ARFGEF1: variants seen among roughly 807,000 people sequenced by gnomAD.
The protein encoded by ARFGEF1 is ARF guanine nucleotide exchange factor 1.
A neutral mutation model predicts 231.0 loss-of-function variants in ARFGEF1; 42 were observed. The observed-to-expected ratio is 0.18, with a 90% confidence interval of 0.14 to 0.24. ARFGEF1 has a LOEUF of 0.24. ARFGEF1 is among the 10% of genes least tolerant of loss of function. ARFGEF1 has a pLI of 1.00. For missense variants in ARFGEF1, 1,345 were observed against 2,192.0 expected (o/e 0.61, Z 7.72); for synonymous variants, 710 against 732.3 (o/e 0.97, Z 0.49).
rs1839888426 is a variant in ARFGEF1 at position 67,240,224 on chromosome 8, C to G, written c.2917G>C (p.Ala973Pro). 1 of 1,613,248 alleles carries G rather than the reference C, an allele frequency of 6.2e-7. No individual in the cohort carries two copies. Among genetic ancestry groups the G allele is most frequent in the Non-Finnish European group, 8.5e-7 (1 of 1,179,698 alleles). ...CTTATACCTTCCAGGCAAAGAGAGG[C>G]TACTTCAGTATCATCACAATCTTGT... The part of the protein sequence containing the change: ...GLQDCDDTEV[A>P]SLCLEGIRCA... The change falls in exon 20 of 39, where the codon GCC becomes CCC. Residue 973 changes from alanine (A) to proline (P), a missense_variant. Around this residue, in one of 14 missense-constraint regions of ARFGEF1, gnomAD observed 146 missense variants for 321.4 expected, o/e 0.45. Transcript: ENST00000262215.
intron 14 of ARFGEF1, among the ~76,000 whole-genome samples, chr8:67,262,883 T>A (rs1279717509): frequency 6.6e-6 from 1 of 152,242 alleles, no homozygotes; most frequent in Non-Finnish European, 1.5e-5. Context: ...AACATAACTT[T>A]AATGCACTGA....
intron 8 of ARFGEF1, 103 bp downstream of exon 8, chr8:67,277,179 C>G (rs1805348564): frequency 1.7e-6 from 2 of 1,153,394 alleles, no homozygotes; most frequent in African/African-American, 1.6e-5. Context: ...AAATAAAAAT[C>G]AGGCAGCATC....
At chr8:67,272,516 G>A (rs538720751) in intron 9 of ARFGEF1, among the ~76,000 whole-genome samples, 4 of 151,968 alleles carry the variant, frequency 2.6e-5, no homozygotes, top group Admixed American at 1.3e-4. Context: ...TAACATCAAC[G>A]TATTGTTTCA....
At chr8:67,276,438 T>TC (rs2128899628) in intron 8 of ARFGEF1, among the ~76,000 whole-genome samples, 1 of 152,250 alleles carries the variant, frequency 6.6e-6, no homozygotes, top group South Asian at 2.1e-4. Context: ...TAAATTATAC[T>TC]CCCTACTACC....
intron 5 of ARFGEF1, among the ~76,000 whole-genome samples, chr8:67,181,338 ATTTTTTTTTTT>A (rs58029238): frequency 1.4e-3 from 156 of 112,638 alleles, no homozygotes; most frequent in Non-Finnish European, 2.4e-3. Flanking sequence ...GTACCTGGCC[ATTTTTTTTTTT>A]TTTTTTTTTT....
In ARFGEF1 at chr8:67,240,202, A is replaced by G; in HGVS notation, c.2939T>C (p.Ile980Thr). The part of the protein sequence containing the change: ...TEVASLCLEG[I>T]RCAIRIACIF... ...GCATGCAATTCTGATTGCACATCTT[A>G]TACCTTCCAGGCAAAGAGAGGCTAC... Residue 980 changes from isoleucine to threonine, a missense_variant, in exon 20 of 39, where the codon ATA (isoleucine) becomes ACA (threonine). Ile to Thr is a moderately conservative substitution (Grantham distance 89). Around this residue, in one of 14 missense-constraint regions of ARFGEF1, gnomAD observed 146 missense variants for 321.4 expected, o/e 0.45. Coordinates refer to ENST00000262215, the MANE Select transcript of ARFGEF1 (RefSeq NM_006421.5). 1 of 1,612,884 alleles carries G rather than the reference A, an allele frequency of 6.2e-7. No homozygotes were observed. Among genetic ancestry groups the G allele is most frequent in the Non-Finnish European group, 8.5e-7 (1 of 1,179,628 alleles).
At chr8:67,251,762 C>T (rs904607099) in intron 18 of ARFGEF1, among the ~76,000 whole-genome samples, 2 of 151,790 alleles carry the variant, frequency 1.3e-5, no homozygotes, top group East Asian at 1.9e-4. Flanking sequence ...AGTTGCACAA[C>T]GTTATGAATG....
At chr8:67,324,313 A>G (rs1243934066) in intron 1 of ARFGEF1, among the ~76,000 whole-genome samples, 2 of 152,294 alleles carry the variant, frequency 1.3e-5, no homozygotes, top group East Asian at 3.9e-4. Flanking sequence ...AAACAAAACA[A>G]AAAAAGGTCT....
chr8:67,274,813 G>A (rs144434862), intron 9 of ARFGEF1, among the ~76,000 whole-genome samples: 1 of 152,172 alleles, frequency 6.6e-6, no homozygotes, highest in East Asian at 1.9e-4. Context: ...TCTCAAAGTA[G>A]GTCTTCATTG....
intron 1 of ARFGEF1, among the ~76,000 whole-genome samples, chr8:67,327,080 G>C (rs1400636608): frequency 6.6e-6 from 1 of 152,118 alleles, no homozygotes; most frequent in Non-Finnish European, 1.5e-5. Context: ...CTATGAGGTT[G>C]ACTTGCTTGT....
At chr8:67,316,971 AG>A (rs1277969698) in intron 1 of ARFGEF1, among the ~76,000 whole-genome samples, 2 of 152,078 alleles carry the variant, frequency 1.3e-5, no homozygotes, top group African/African-American at 4.8e-5. Context: ...CAAGGAGGGG[AG>A]GGGGCTGCAG....
At chr8:67,299,831 G>GGT (rs1396880627) in intron 3 of ARFGEF1, among the ~76,000 whole-genome samples, 1 of 152,088 alleles carries the variant, frequency 6.6e-6, no homozygotes, top group African/African-American at 2.4e-5. Context: ...AGCTGGGTGT[G>GGT]GTGGTACATG....
At position 67,312,403 on chromosome 8, in the gene ARFGEF1, G is replaced by A. The variant is rs542585047; in HGVS notation, c.125-9937C>T. ...TATTGGACACCATGGAAGCCAATAG[G>A]AGCTGTGGCACAACATTTCCAAGAG... On this transcript the variant is annotated intron_variant, in intron 1 of 38. Transcript: ENST00000262215. Among the ~76,000 whole-genome samples the A allele has an allele frequency of 1.1e-4, 16 of 152,150 alleles. No homozygotes were observed. In the East Asian group the frequency reaches 1.7e-3, roughly 17 times the overall value.
At chr8:67,264,686 C>T (rs1314561760) in intron 14 of ARFGEF1, among the ~76,000 whole-genome samples, 1 of 152,058 alleles carries the variant, frequency 6.6e-6, no homozygotes, top group Non-Finnish European at 1.5e-5. Context: ...GAATACAGTT[C>T]CATGAAAGCA....
chr8:67,250,543 G>C lies in ARFGEF1; in HGVS notation c.2850+756C>G, dbSNP rs559730487. Among the ~76,000 whole-genome samples, 7 of 152,292 alleles carry C rather than the reference G, an allele frequency of 4.6e-5. No individual in the cohort carries two copies. In the South Asian group the frequency reaches 1.5e-3, roughly 32 times the overall value. ...TAATTACAAAATTTTGGAGCTAAAA[G>C]GAAGCACAAGAATCCTGTAGTCATC... On this transcript the variant is annotated intron_variant, in intron 19 of 38. Transcript: ENST00000262215.
intron 19 of ARFGEF1, among the ~76,000 whole-genome samples, chr8:67,244,043 C>A (rs1840016270): frequency 6.6e-6 from 1 of 151,674 alleles, no homozygotes; most frequent in Non-Finnish European, 1.5e-5. Context: ...AGTTTTGAGA[C>A]CAGCCTGGCC....
rs983583530 is a variant in ARFGEF1 at position 67,248,238 on chromosome 8, T to C, written c.2850+3061A>G. Among the ~76,000 whole-genome samples the C allele has an allele frequency of 2.7e-5, 4 of 150,326 alleles. 1 individual carries two copies. Among genetic ancestry groups the C allele is most frequent in the African/African-American group, 9.9e-5 (4 of 40,242 alleles). ...GAAATCACATTACCTGCCTTCAAGT[T>C]ATACTACAGAGCTATAGTAGCCAAA... On this transcript the variant is annotated intron_variant, in intron 19 of 38. Transcript: ENST00000262215.
chr8:67,265,961 CAG>C (rs1485010971), intron 14 of ARFGEF1, 43 bp downstream of exon 14: 5 of 1,580,546 alleles, frequency 3.2e-6, no homozygotes, highest in Non-Finnish European at 4.3e-6. Flanking sequence ...ACTATACTGG[CAG>C]AGAGATATTC....
At chr8:67,230,599 G>A (rs1175687005) in intron 23 of ARFGEF1, among the ~76,000 whole-genome samples, 1 of 151,964 alleles carries the variant, frequency 6.6e-6, no homozygotes, top group African/African-American at 2.4e-5. Context: ...TTTCTGATAG[G>A]TGAAATATTC....
Sources: allele counts gnomAD v4.1 joint callset (sites outside exome capture counted in the v4.1 genomes callset), GRCh38; gene constraint gnomAD v4.1.1; regional missense constraint gnomAD v4.1.1; transcripts MANE v1.5; gene names NCBI Gene and HGNC (gene_info 2026-07-23, HGNC 2026-07-21).